The following IL21R variants were observed in gnomAD, a reference collection of about 807,000 sequenced individuals.
IL21R encodes interleukin-21 receptor.
Under a neutral mutation model 41.3 loss-of-function variants are expected in IL21R, and 14 were observed. That is an observed-to-expected ratio of 0.34 (90% CI 0.22 to 0.53). IL21R has a LOEUF of 0.53. Among genes scored for constraint, IL21R ranks in the 20% least tolerant of loss-of-function variants. IL21R has a pLI of 0.94. For synonymous variants in IL21R, 286 were observed against 287.6 expected (o/e 0.99, Z 0.05); for missense variants, 588 against 681.6 (o/e 0.86, Z 1.53).
Position 27,444,648 on chromosome 16 carries a change from T to A in IL21R, c.614T>A (p.Met205Lys), listed in dbSNP as rs1373282098. 1 of 1,584,206 alleles carries A rather than the reference T, an allele frequency of 6.3e-7. No homozygotes were observed. Among genetic ancestry groups the A allele is most frequent in the Non-Finnish European group, 8.6e-7 (1 of 1,165,478 alleles). Residue 205 changes from methionine (M) to lysine (K), a missense_variant, in exon 6 of 9, where the codon ATG becomes AAG. Coordinates refer to ENST00000337929, the MANE Select transcript of IL21R (RefSeq NM_181078.3). ...GAGCTGCAGGTGCGGGCAGGGCCCATGCCTGGCTCCTCCTACCAGGGGACC... is the reference window on the plus strand; with the variant it reads ...GAGCTGCAGGTGCGGGCAGGGCCCAAGCCTGGCTCCTCCTACCAGGGGACC... ...SYELQVRAGP[M>K]PGSSYQGTWS...
At position 27,437,540 on chromosome 16, in the gene IL21R, A is replaced by C. The variant is rs1350104636; in HGVS notation, c.205A>C (p.Arg69=). 18 of 1,614,072 alleles carry C rather than the reference A, an allele frequency of 1.1e-5. No individual in the cohort carries two copies. Among genetic ancestry groups the C allele is most frequent in the Non-Finnish European group, 1.5e-5 (18 of 1,180,040 alleles). Residue 69 remains arginine, a synonymous_variant, in exon 4 of 9, where the codon AGG becomes CGG. Transcript: ENST00000337929. ...CGAGGCCACCTCCTGCAGCCTCCAC[A>C]GGTCGGCCCACAATGCCACGCATGC... ...KDEATSCSLH[R]SAHNATHATY...
intron 1 of IL21R, among the ~76,000 whole-genome samples, chr16:27,429,171 C>A (rs1181227206): frequency 1.3e-5 from 2 of 152,062 alleles, no homozygotes; most frequent in Non-Finnish European, 2.9e-5. Flanking sequence ...TTGCAGTGAG[C>A]CAAGATCGGG....
Position 27,434,329 on chromosome 16 carries a change from T to C in IL21R, c.50-18T>C, listed in dbSNP as rs1318895719. On this transcript the variant is annotated intron_variant, in intron 2 of 8. Coordinates refer to ENST00000337929, the MANE Select transcript of IL21R (RefSeq NM_181078.3). ...AAGCCACCCCCCACCAAGGCCTCTCTCCCCACTGACCCTCCAGGCTGGGGC... is the reference window on the plus strand; with the variant it reads ...AAGCCACCCCCCACCAAGGCCTCTCCCCCCACTGACCCTCCAGGCTGGGGC... 1.1e-5 allele frequency: 17 copies of C among 1,558,314 alleles called. No individual in the cohort carries two copies. Among genetic ancestry groups the C allele is most frequent in the Non-Finnish European group, 1.4e-5 (16 of 1,130,284 alleles).
intron 6 of IL21R, 144 bp downstream of exon 6, chr16:27,444,863 G>C (rs1213028948): frequency 2.5e-6 from 2 of 805,424 alleles, no homozygotes; most frequent in Non-Finnish European, 3.7e-6. Context: ...TACATTTCTA[G>C]AGCCCCTGCT....
At position 27,437,624 on chromosome 16, in the gene IL21R, A is replaced by G; in HGVS notation, c.289A>G (p.Asn97Asp). 6.2e-7 allele frequency: 1 copy of G among 1,614,208 alleles called. No homozygotes were observed. Among genetic ancestry groups the G allele is most frequent in the Non-Finnish European group, 8.5e-7 (1 of 1,180,038 alleles). Residue 97 changes from asparagine (N) to aspartate (D), a missense_variant, in exon 4 of 9, where the codon AAC becomes GAC. Transcript: ENST00000337929. ...HFMADDIFSV[N>D]ITDQSGNYSQ... ...CATGGCCGACGACATTTTCAGTGTC[A>G]ACATCACAGACCAGTCTGGCAACTA...
chr16:27,404,883 A>G (rs538014107), intron 1 of IL21R, among the ~76,000 whole-genome samples: 1 of 152,266 alleles, frequency 6.6e-6, no homozygotes, highest in East Asian at 1.9e-4. Context: ...TACTCAACCT[A>G]TTCTTCATGG....
At chr16:27,408,126 C>T (rs374040961) in intron 1 of IL21R, among the ~76,000 whole-genome samples, 2 of 152,120 alleles carry the variant, frequency 1.3e-5, no homozygotes, top group Admixed American at 6.5e-5. Flanking sequence ...AGATGGTGCC[C>T]AGAATATAGA....
chr16:27,408,856 T>C (rs1400451034), intron 1 of IL21R, among the ~76,000 whole-genome samples: 1 of 152,150 alleles, frequency 6.6e-6, no homozygotes, highest in East Asian at 1.9e-4. Flanking sequence ...ACTAGACGCA[T>C]CCCATTCCTC....
intron 1 of IL21R, among the ~76,000 whole-genome samples, chr16:27,413,727 G>A (rs1426476375): frequency 6.6e-6 from 1 of 151,734 alleles, no homozygotes. Flanking sequence ...CCAATTCGTT[G>A]GCATATAATT....
chr16:27,413,441 C>T (rs1361140906), intron 1 of IL21R, among the ~76,000 whole-genome samples: 1 of 151,352 alleles, frequency 6.6e-6, no homozygotes, highest in Non-Finnish European at 1.5e-5. Context: ...CTTTGTCTGG[C>T]TTTGGTACTG....
chr16:27,430,272 G>C lies in IL21R; in HGVS notation c.49+152G>C, dbSNP rs927728518. The stretch of plus-strand genomic sequence containing the variant: ...TGCCCTTGAGGCTGACACGAGTCCA[G>C]TAGCCGGCTCTCCACTAATCAGAAT... On this transcript the variant is annotated intron_variant, in intron 2 of 8. Transcript: ENST00000337929. 1.6e-5 allele frequency: 10 copies of C among 638,690 alleles called. No individual in the cohort carries two copies. The African/African-American group carries it at 1.8e-4, about 12-fold the overall frequency. 39.6% of individuals were successfully genotyped at this position (638,690 alleles called of 1,614,324 possible). A position where few individuals can be genotyped will look rare whatever the true frequency, so the allele number is the denominator to read the frequency against.
chr16:27,418,004 CTATTTTATTT>C (rs200586929), intron 1 of IL21R, among the ~76,000 whole-genome samples: 35,609 of 134,690 alleles, frequency 0.26, 5,393 homozygotes, highest in East Asian at 0.61. Flanking sequence ...AACATTTTTC[CTATTTTATTT>C]ATTTTATTTT....
In IL21R at chr16:27,449,259, G is replaced by A. The variant is rs926286373; in HGVS notation, c.1593G>A (p.Ser531=). The part of the protein sequence containing the change: ...RQWVVIPPPL[S]SPGPQAS ...GGGTGGTCATTCCTCCGCCACTTTCGAGCCCTGGACCCCAGGCCAGCTAAT... is the reference window on the plus strand; with the variant it reads ...GGGTGGTCATTCCTCCGCCACTTTCAAGCCCTGGACCCCAGGCCAGCTAAT... The change falls in exon 9 of 9, where the codon TCG becomes TCA. Residue 531 remains serine (S), a synonymous_variant. Coordinates refer to ENST00000337929, the MANE Select transcript of IL21R (RefSeq NM_181078.3). 4.4e-6 allele frequency: 7 copies of A among 1,606,562 alleles called. No homozygotes were observed. The highest frequency in any genetic ancestry group is 4.0e-5 in the African/African-American group (3 of 74,830).
At position 27,434,438 on chromosome 16, in the gene IL21R, C is replaced by T; in HGVS notation, c.141C>T (p.Leu47=). The T allele has an allele frequency of 6.2e-7, 1 of 1,610,948 alleles. No individual in the cohort carries two copies. The highest frequency in any genetic ancestry group is 2.2e-5 in the East Asian group (1 of 44,862). Residue 47 remains leucine, a synonymous_variant, in exon 3 of 9, where the codon CTC becomes CTT. Transcript: ENST00000337929. ...TGTGGAACCTCCACCCCAGCACGCT[C>T]ACCCTTACCTGGTAAGTAGCCGGGC... ...LEMWNLHPST[L]TLTWQDQYEE... is the part of the protein sequence containing the mutation.
intron 4 of IL21R, among the ~76,000 whole-genome samples, chr16:27,440,287 A>AGAGAGAGAGAGCGC (rs1479585420): frequency 5.8e-5 from 6 of 102,706 alleles, no homozygotes; most frequent in African/African-American, 3.0e-4. Context: ...AGAGCGAGCA[A>AGAGAGAGAGAGCGC]GCGCGCGCCA....
chr16:27,426,402 C>T (rs1253701742), intron 1 of IL21R, among the ~76,000 whole-genome samples: 1 of 152,238 alleles, frequency 6.6e-6, no homozygotes, highest in African/African-American at 2.4e-5. Context: ...CCAGTGAAAA[C>T]CTCAAACGCA....
chr16:27,447,270 GTGACTCAT>G (rs1005249609), intron 8 of IL21R, among the ~76,000 whole-genome samples: 1 of 152,122 alleles, frequency 6.6e-6, no homozygotes, highest in Non-Finnish European at 1.5e-5. Flanking sequence ...ATCACAAACA[GTGACTCAT>G]TTAATCCTCA....
intron 1 of IL21R, among the ~76,000 whole-genome samples, chr16:27,427,544 C>T (rs2087099956): frequency 6.6e-6 from 1 of 152,164 alleles, no homozygotes; most frequent in South Asian, 2.1e-4. Context: ...CACAGGCACA[C>T]AGCACCCGGC....
At chr16:27,437,094 G>C (rs1253993331) in intron 3 of IL21R, among the ~76,000 whole-genome samples, 1 of 152,128 alleles carries the variant, frequency 6.6e-6, no homozygotes, top group Non-Finnish European at 1.5e-5. Context: ...ATGTTGGACA[G>C]AAAGGAGAGA....
Sources: gnomAD v4.1 joint callset for allele counts (sites outside exome capture counted in the v4.1 genomes callset) on GRCh38, gnomAD v4.1.1 for gene constraint, MANE v1.5 for transcripts, NCBI Gene and HGNC (gene_info 2026-07-23, HGNC 2026-07-21) for gene names.